Variants in IL1F10 observed in about 807,000 individuals in gnomAD.
IL1F10 encodes interleukin-1 family member 10.
IL1F10 carries 13 observed loss-of-function variants against 13.1 expected under a neutral mutation model. That is an observed-to-expected ratio of 0.99 (90% CI 0.64 to 1.57). The LOEUF (loss-of-function observed/expected upper bound fraction) is 1.57, where lower values mean the gene tolerates loss of function less well. Among genes scored for constraint, IL1F10 ranks in the 40% most tolerant of loss-of-function variants. The probability of loss-of-function intolerance (pLI) is 0.00; values close to 1 mark genes in which losing one functional copy is unlikely to be tolerated. For synonymous variants in IL1F10, 78 were observed against 68.2 expected (o/e 1.14, Z -0.71); for missense variants, 191 against 184.1 (o/e 1.04, Z -0.22).
chr2:113,074,892 G>C (rs780476688), intron 4 of IL1F10, 42 bp downstream of exon 4: 1 of 1,597,958 alleles, frequency 6.3e-7, no homozygotes, highest in Non-Finnish European at 8.5e-7. Context: ...TGCAGACCTG[G>C]CCTGACCCCT....
chr2:113,071,034 T>G (rs1426192610), intron 1 of IL1F10, among the ~76,000 whole-genome samples: 1 of 152,210 alleles, frequency 6.6e-6, no homozygotes, highest in African/African-American at 2.4e-5. Flanking sequence ...GAAACTTACT[T>G]GATACTACAA....
chr2:113,075,396 C>T lies in IL1F10; in HGVS notation c.*32C>T. On this transcript the variant is annotated 3_prime_UTR_variant, in exon 5 of 5. Coordinates refer to ENST00000341010, the MANE Select transcript of IL1F10 (RefSeq NM_173161.3). Reference sequence around the variant, plus strand: ...AGGAAACTGCGTTTTAGCCTTGTGCCCCCAAACCAAGCTCATCCTGCTCAG... The same window carrying T: ...AGGAAACTGCGTTTTAGCCTTGTGCTCCCAAACCAAGCTCATCCTGCTCAG... The T allele has an allele frequency of 6.7e-7, 1 of 1,497,518 alleles. No individual in the cohort carries two copies. The highest frequency in any genetic ancestry group is 9.0e-7 in the Non-Finnish European group (1 of 1,107,104). 92.8% of individuals were successfully genotyped at this position (1,497,518 alleles called of 1,614,324 possible). A position where few individuals can be genotyped will look rare whatever the true frequency, so the allele number is the denominator to read the frequency against.
chr2:113,071,764 T>C (rs1685839507), intron 1 of IL1F10, among the ~76,000 whole-genome samples: 1 of 152,214 alleles, frequency 6.6e-6, no homozygotes, highest in African/African-American at 2.4e-5. Context: ...CCCTATTACT[T>C]TCTTCCACCT....
chr2:113,074,458 C>A lies in IL1F10; in HGVS notation c.118+44C>A, dbSNP rs767021504. 4.2e-6 allele frequency: 6 copies of A among 1,435,396 alleles called. No individual in the cohort carries two copies. In the African/African-American group the frequency reaches 8.4e-5, roughly 20 times the overall value. 88.9% of individuals were successfully genotyped at this position (1,435,396 alleles called of 1,614,324 possible). On this transcript the variant is annotated intron_variant, in intron 3 of 4. Coordinates refer to ENST00000341010, the MANE Select transcript of IL1F10 (RefSeq NM_173161.3). ...CACCCCATGCTCCATCTGCCATAGG[C>A]CCTCCCTTCTCTTCTTCCCTTTCCT...
rs770351924 is a variant in IL1F10 at position 113,075,252 on chromosome 2, C to T, written c.347C>T (p.Ala116Val). 10 of 1,613,652 alleles carry T rather than the reference C, an allele frequency of 6.2e-6. No homozygotes were observed. Among genetic ancestry groups the T allele is most frequent in the Non-Finnish European group, 8.5e-6 (10 of 1,179,774 alleles). Residue 116 changes from alanine to valine, a missense_variant, in exon 5 of 5, where the codon GCC becomes GTC. By Grantham distance (64) the Ala-to-Val change is moderately conservative. Transcript: ENST00000341010. Reference sequence around the variant, plus strand: ...TCCGCCTTCAGGCTTGAGGCTGCTGCCTGGCCTGGCTGGTTCCTGTGTGGC... The same window carrying T: ...TCCGCCTTCAGGCTTGAGGCTGCTGTCTGGCCTGGCTGGTTCCTGTGTGGC... Reference protein sequence around the residue: ...SGSAFRLEAAAWPGWFLCGPA... With the variant: ...SGSAFRLEAAVWPGWFLCGPA...
rs1685856150 is a variant in IL1F10 at position 113,072,544 on chromosome 2, A to G, written c.-28-167A>G. 1.4e-5 allele frequency: 8 copies of G among 556,392 alleles called. No individual in the cohort carries two copies. In the East Asian group the frequency reaches 2.2e-4, roughly 16 times the overall value. The allele number at this position is 556,392 out of a possible 1,614,324, so 34.5% of individuals were successfully genotyped here. On this transcript the variant is annotated intron_variant, in intron 1 of 4. Coordinates refer to ENST00000341010, the MANE Select transcript of IL1F10 (RefSeq NM_173161.3). ...GTCAGGGAGAGGCAGAGCTGCCTGG[A>G]GCCTGCTGGGCTGGTGGAAGCCTTG...
chr2:113,071,924 T>C (rs1685842571), intron 1 of IL1F10, among the ~76,000 whole-genome samples: 1 of 152,256 alleles, frequency 6.6e-6, no homozygotes, highest in South Asian at 2.1e-4. Context: ...CAACTCCTGA[T>C]TAGCTCTGGG....
intron 2 of IL1F10, among the ~76,000 whole-genome samples, chr2:113,073,766 G>A (rs980850384): frequency 6.6e-6 from 1 of 152,172 alleles, no homozygotes; most frequent in African/African-American, 2.4e-5. Flanking sequence ...GCCCTAAAAG[G>A]TTAATGAGAG....
At chr2:113,072,014 A>G (rs551906533) in intron 1 of IL1F10, among the ~76,000 whole-genome samples, 103 of 152,304 alleles carry the variant, frequency 6.8e-4, no homozygotes, top group Middle Eastern at 3.4e-3. Context: ...AGGATAACCC[A>G]TCGGGAAGGA....
intron 1 of IL1F10, among the ~76,000 whole-genome samples, chr2:113,070,072 A>T (rs1019619607): frequency 6.6e-6 from 1 of 152,160 alleles, no homozygotes; most frequent in African/African-American, 2.4e-5. Context: ...TGAATTGCGG[A>T]GGTCTGAGAG....
chr2:113,073,668 T>C (rs1373081772), intron 2 of IL1F10, among the ~76,000 whole-genome samples: 2 of 152,216 alleles, frequency 1.3e-5, no homozygotes, highest in African/African-American at 4.8e-5. Flanking sequence ...GCTTTAAATA[T>C]GTACAGTCAT....
chr2:113,073,468 T>C (rs548026114), intron 2 of IL1F10, among the ~76,000 whole-genome samples: 9 of 152,034 alleles, frequency 5.9e-5, no homozygotes, highest in Non-Finnish European at 1.2e-4. Context: ...GCAAGACACA[T>C]ACATAGGAAG....
chr2:113,075,616 CAG>C lies in IL1F10; in HGVS notation c.*260_*261del, dbSNP rs1685927845. The C allele has an allele frequency of 6.5e-6, 2 of 309,166 alleles. No individual in the cohort carries two copies. The highest frequency in any genetic ancestry group is 1.2e-5 in the Non-Finnish European group (2 of 169,410). 19.2% of individuals were successfully genotyped at this position (309,166 alleles called of 1,614,324 possible). On this transcript the variant is annotated 3_prime_UTR_variant, in exon 5 of 5. Coordinates refer to ENST00000341010, the MANE Select transcript of IL1F10 (RefSeq NM_173161.3). ...CAAGAAGGAGGCAGGAAGGGAGAGT[CAG>C]AGAGAGAATGGAAGATACCATGCTT...
At chr2:113,075,044 G>A in intron 4 of IL1F10, 108 bp from the exon 5 acceptor site, 2 of 1,274,384 alleles carry the variant, frequency 1.6e-6, no homozygotes, top group South Asian at 1.4e-5. Context: ...AGTCCCTTGG[G>A]TAAAAACCAG....
chr2:113,072,470 A>T (rs1336186884), intron 1 of IL1F10: 1 of 460,812 alleles, frequency 2.2e-6, no homozygotes, highest in East Asian at 3.9e-5. Flanking sequence ...AAGCACACAC[A>T]TCCCAGGCTC....
In IL1F10 at chr2:113,074,461, T is replaced by A. The variant is rs1444861394; in HGVS notation, c.118+47T>A. 2.1e-6 allele frequency: 3 copies of A among 1,409,818 alleles called. No homozygotes were observed. The South Asian group carries it at 3.5e-5, about 16-fold the overall frequency. The allele number at this position is 1,409,818 out of a possible 1,614,324, so 87.3% of individuals were successfully genotyped here. On this transcript the variant is annotated intron_variant, in intron 3 of 4. Coordinates refer to ENST00000341010, the MANE Select transcript of IL1F10 (RefSeq NM_173161.3). ...CCCATGCTCCATCTGCCATAGGCCC[T>A]CCCTTCTCTTCTTCCCTTTCCTCCC...
intron 4 of IL1F10, 116 bp downstream of exon 4, chr2:113,074,966 C>A: frequency 7.3e-7 from 1 of 1,367,284 alleles, no homozygotes; most frequent in East Asian, 2.3e-5. Context: ...GTCCTACTTC[C>A]TCAGGTTTCC....
chr2:113,074,949 T>C, intron 4 of IL1F10, 99 bp downstream of exon 4: 2 of 1,443,480 alleles, frequency 1.4e-6, no homozygotes, highest in Non-Finnish European at 1.9e-6. Flanking sequence ...CCCAGCCAGG[T>C]CCACATGTCC....
At chr2:113,074,250 C>T (rs996587018) in intron 2 of IL1F10, 79 bp from the exon 3 acceptor site, 2 of 884,062 alleles carry the variant, frequency 2.3e-6, no homozygotes, top group Non-Finnish European at 3.8e-6. Context: ...GGTGGTGATT[C>T]AGAGCATGGA....
Sources: gnomAD v4.1 joint callset for allele counts (sites outside exome capture counted in the v4.1 genomes callset) on GRCh38, gnomAD v4.1.1 for gene constraint, MANE v1.5 for transcripts, NCBI Gene and HGNC (gene_info 2026-07-23, HGNC 2026-07-21) for gene names.